The following LRRC4C variants were observed in gnomAD, a reference collection of about 807,000 sequenced individuals.
LRRC4C encodes leucine-rich repeat-containing protein 4C.
In LRRC4C, 5 loss-of-function variants were observed where a neutral mutation model predicts 33.6. The observed-to-expected ratio is 0.15, with a 90% CI of 0.08 to 0.31. The LOEUF (loss-of-function observed/expected upper bound fraction) is 0.31, where lower values mean the gene tolerates loss of function less well. LRRC4C is among the 10% of genes least tolerant of loss of function. The probability of loss-of-function intolerance (pLI) is 1.00; values close to 1 mark genes in which losing one functional copy is unlikely to be tolerated. For missense variants in LRRC4C, 560 were observed against 796.7 expected, an observed-to-expected ratio of 0.70 and a Z score of 3.58; for synonymous variants, 329 against 302.0, an observed-to-expected ratio of 1.09 and a Z score of -0.93.
intron 1 of LRRC4C, among the ~76,000 whole-genome samples, chr11:41,111,200 T>C (rs1590625963): frequency 6.6e-6 from 1 of 152,114 alleles, no homozygotes; most frequent in East Asian, 1.9e-4. Context: ...GTAAGAGACA[T>C]TGTCACAATT....
intron 1 of LRRC4C, among the ~76,000 whole-genome samples, chr11:40,970,166 C>A (rs554114975): frequency 1.3e-5 from 2 of 152,140 alleles, no homozygotes; most frequent in Non-Finnish European, 2.9e-5. Flanking sequence ...GAACCTCAAA[C>A]CAAGAGATGG....
intron 2 of LRRC4C, among the ~76,000 whole-genome samples, chr11:40,785,283 T>C (rs1480242875): frequency 6.6e-6 from 1 of 152,198 alleles, no homozygotes; most frequent in African/African-American, 2.4e-5. Context: ...AGTCCCATCA[T>C]TTTTCTATAG....
chr11:41,375,907 G>A (rs1454360187), intron 1 of LRRC4C, among the ~76,000 whole-genome samples: 1 of 151,936 alleles, frequency 6.6e-6, no homozygotes, highest in Non-Finnish European at 1.5e-5. Context: ...AGGAAATTTA[G>A]TATGGCGTTC....
chr11:40,372,583 GA>G (rs1393108970), intron 3 of LRRC4C, among the ~76,000 whole-genome samples: 1 of 152,154 alleles, frequency 6.6e-6, no homozygotes, highest in East Asian at 1.9e-4. Context: ...ACAGCTTCCA[GA>G]AATTAGGGCA....
chr11:40,900,228 T>G (rs1565182860), intron 2 of LRRC4C, among the ~76,000 whole-genome samples: 1 of 152,110 alleles, frequency 6.6e-6, no homozygotes, highest in African/African-American at 2.4e-5. Flanking sequence ...AATGAACAAA[T>G]TGTTCTAAAT....
intron 4 of LRRC4C, among the ~76,000 whole-genome samples, chr11:40,255,460 C>A (rs1235508496): frequency 6.6e-6 from 1 of 152,110 alleles, no homozygotes; most frequent in East Asian, 1.9e-4. Context: ...TATATCTGTC[C>A]CCCTACTCAG....
intron 2 of LRRC4C, among the ~76,000 whole-genome samples, chr11:40,721,577 G>T (rs1340551658): frequency 6.6e-6 from 1 of 152,184 alleles, no homozygotes; most frequent in Admixed American, 6.5e-5. Context: ...GGACACATAG[G>T]AAGCCTGGTT....
Position 40,510,416 on chromosome 11 carries a change from T to C in LRRC4C, c.-270+137726A>G, listed in dbSNP as rs564655118. Among the ~76,000 whole-genome samples the C allele has an allele frequency of 6.3e-4, 96 of 152,038 alleles. 1 individual carries two copies. The highest frequency in any genetic ancestry group is 2.3e-3 in the African/African-American group (94 of 41,474). ...GTAACAAACACATGTGCATACACCA[T>C]AAATAAAATGTTTATAATAATGACT... On this transcript the variant is annotated intron_variant, in intron 3 of 6. Coordinates refer to ENST00000528697, the MANE Select transcript of LRRC4C (RefSeq NM_001258419.2).
chr11:40,725,940 T>C (rs1315247722), intron 2 of LRRC4C, among the ~76,000 whole-genome samples: 2 of 152,102 alleles, frequency 1.3e-5, no homozygotes, highest in African/African-American at 2.4e-5. Flanking sequence ...CAGCCTGTGT[T>C]GCAGGAACAA....
intron 3 of LRRC4C, among the ~76,000 whole-genome samples, chr11:40,501,224 T>C (rs1488556615): frequency 1.3e-5 from 2 of 152,118 alleles, no homozygotes; most frequent in African/African-American, 4.8e-5. Flanking sequence ...CTGGCTGCTT[T>C]CACAAGCTGC....
intron 1 of LRRC4C, among the ~76,000 whole-genome samples, chr11:41,364,728 C>A (rs1952474065): frequency 6.6e-6 from 1 of 152,142 alleles, no homozygotes. Context: ...AAATTAAATT[C>A]TGATTTTAAG....
intron 2 of LRRC4C, among the ~76,000 whole-genome samples, chr11:40,858,838 A>G (rs1375906995): frequency 6.6e-6 from 1 of 152,166 alleles, no homozygotes; most frequent in African/African-American, 2.4e-5. Context: ...AACCAACAAA[A>G]GCCATTGTTC....
chr11:40,831,391 C>G (rs914092070), intron 2 of LRRC4C, among the ~76,000 whole-genome samples: 1 of 151,904 alleles, frequency 6.6e-6, no homozygotes, highest in African/African-American at 2.4e-5. Context: ...CAATACTCTC[C>G]AAGCAGACAT....
intron 2 of LRRC4C, among the ~76,000 whole-genome samples, chr11:40,854,896 T>G (rs1953705509): frequency 6.6e-6 from 1 of 152,064 alleles, no homozygotes; most frequent in South Asian, 2.1e-4. Flanking sequence ...AGAGATCACT[T>G]TCACATTTGA....
chr11:40,532,958 C>A (rs761908497), intron 3 of LRRC4C, among the ~76,000 whole-genome samples: 1 of 152,050 alleles, frequency 6.6e-6, no homozygotes, highest in Non-Finnish European at 1.5e-5. Flanking sequence ...GGAGGAACTA[C>A]CAAACACTTA....
chr11:40,941,959 G>C (rs549082818), intron 1 of LRRC4C, among the ~76,000 whole-genome samples: 1 of 152,190 alleles, frequency 6.6e-6, no homozygotes, highest in Non-Finnish European at 1.5e-5. Flanking sequence ...ACTGAGACAG[G>C]GTTAGACACA....
intron 3 of LRRC4C, among the ~76,000 whole-genome samples, chr11:40,483,914 C>CA (rs1266544991): frequency 1.3e-5 from 2 of 151,300 alleles, no homozygotes; most frequent in South Asian, 4.2e-4. Context: ...TTCCAGAAAA[C>CA]AAAAAAAGAC....
chr11:40,783,222 T>A (rs1239195102), intron 2 of LRRC4C, among the ~76,000 whole-genome samples: 1 of 152,188 alleles, frequency 6.6e-6, no homozygotes, highest in Admixed American at 6.5e-5. Flanking sequence ...AATTCAATTT[T>A]AAGGTGTTCG....
Position 40,724,070 on chromosome 11 carries a change from AAATATATACACAACC to A in LRRC4C, c.-406-75807_-406-75793del, listed in dbSNP as rs372274806. On this transcript the variant is annotated intron_variant, in intron 2 of 6. Transcript: ENST00000528697. The stretch of plus-strand genomic sequence containing the variant: ...TTCAACAAGAAAGCTTAATTATCCT[AAATATATACACAACC>A]AATATCGGAGCACCCAGGCTCATAA... Among the ~76,000 whole-genome samples, 206 of 152,330 alleles carry A rather than the reference AAATATATACACAACC, an allele frequency of 1.4e-3. 1 individual carries two copies. The highest frequency in any genetic ancestry group is 4.8e-3 in the African/African-American group (200 of 41,580).
Sources: allele counts gnomAD v4.1 joint callset (sites outside exome capture counted in the v4.1 genomes callset), GRCh38; gene constraint gnomAD v4.1.1; transcripts MANE v1.5; gene names NCBI Gene and HGNC (gene_info 2026-07-23, HGNC 2026-07-21).